Variants in CD96 observed in about 807,000 individuals in gnomAD.
CD96 encodes CD96 molecule, also known as T-cell surface protein tactile.
A neutral mutation model predicts 71.3 loss-of-function variants in CD96; 70 were observed. That is an observed-to-expected ratio of 0.98 (90% CI 0.81 to 1.20). The LOEUF (loss-of-function observed/expected upper bound fraction) is 1.20. CD96 is among the 50% of genes most tolerant of loss of function. The probability of loss-of-function intolerance (pLI) is 0.00; values close to 1 mark genes in which losing one functional copy is unlikely to be tolerated. For missense variants in CD96, 742 were observed against 677.5 expected (o/e 1.10, Z -1.06); for synonymous variants, 248 against 233.0 (o/e 1.06, Z -0.59).
intron 14 of CD96, among the ~76,000 whole-genome samples, chr3:111,658,168 T>A (rs1011819279): frequency 6.6e-6 from 1 of 152,160 alleles, no homozygotes; most frequent in Non-Finnish European, 1.5e-5. Context: ...GTCCAAAAAC[T>A]GCTAGGGTAT....
At chr3:111,546,386 T>C (rs1207701150) in intron 2 of CD96, among the ~76,000 whole-genome samples, 1 of 152,142 alleles carries the variant, frequency 6.6e-6, no homozygotes, top group African/African-American at 2.4e-5. Flanking sequence ...AGCTGCTAAC[T>C]ATGAAGCATT....
intron 5 of CD96, among the ~76,000 whole-genome samples, chr3:111,587,295 C>A (rs770541752): frequency 1.3e-5 from 2 of 152,216 alleles, no homozygotes; most frequent in Non-Finnish European, 2.9e-5. Flanking sequence ...TGAGTGTCTG[C>A]AGCTTTTCCA....
chr3:111,645,189 C>A (rs57831621), intron 12 of CD96, among the ~76,000 whole-genome samples: 34,182 of 151,756 alleles, frequency 0.23, 4,173 homozygotes, highest in African/African-American at 0.32. Context: ...TACTACATAG[C>A]CATAAAAAGG....
chr3:111,650,675 G>C lies in CD96; in HGVS notation c.*869G>C, dbSNP rs566078679. On this transcript the variant is annotated 3_prime_UTR_variant, in exon 14 of 14. Coordinates refer to ENST00000352690, the MANE Select transcript of CD96 (RefSeq NM_005816.5). ...ATTTACCTGTTCATTTAATCTGCCT[G>C]TTTTGATCTGTTTTGAAAAAGATAA... is the stretch of plus-strand genomic sequence containing the variant. 4 of 152,274 alleles carry C rather than the reference G, an allele frequency of 2.6e-5. No homozygotes were observed. In the East Asian group the frequency reaches 7.7e-4, roughly 29 times the overall value. 9.4% of individuals were successfully genotyped at this position (152,274 alleles called of 1,614,324 possible).
Position 111,545,380 on chromosome 3 carries a change from C to T in CD96, c.396C>T (p.Tyr132=). ...LYPEGIQTKI[Y]NLLIQTHVTA... ...CAGAGGGCATTCAGACTAAAATCTA[C>T]AACCTTCTCATTCAGACACACGGTA... Residue 132 remains tyrosine (Y), a synonymous_variant, in exon 2 of 14, where the codon TAC becomes TAT. Transcript: ENST00000352690. 4 of 1,605,112 alleles carry T rather than the reference C, an allele frequency of 2.5e-6. No individual in the cohort carries two copies. The highest frequency in any genetic ancestry group is 1.1e-5 in the South Asian group (1 of 90,886).
intron 12 of CD96, among the ~76,000 whole-genome samples, chr3:111,646,567 A>G (rs1352508786): frequency 2.0e-5 from 3 of 151,856 alleles, no homozygotes; most frequent in East Asian, 1.9e-4. Context: ...GAAGAAACTG[A>G]TGCAGGTGAG....
intron 13 of CD96, among the ~76,000 whole-genome samples, chr3:111,647,878 C>G (rs1939906982): frequency 6.6e-6 from 1 of 152,124 alleles, no homozygotes; most frequent in Non-Finnish European, 1.5e-5. Flanking sequence ...TCTGCATTGG[C>G]CTAGTCAGGC....
At chr3:111,593,563 A>G in intron 5 of CD96, 1 of 1,528,000 alleles carries the variant, frequency 6.5e-7, no homozygotes, top group Non-Finnish European at 8.8e-7. Context: ...AATGGAAGGG[A>G]TGTACTGCTG....
intron 4 of CD96, among the ~76,000 whole-genome samples, chr3:111,581,974 C>T (rs1429135416): frequency 6.6e-6 from 1 of 152,132 alleles, no homozygotes; most frequent in Non-Finnish European, 1.5e-5. Context: ...TCAGTTAGCA[C>T]CATAGGTTTA....
In CD96 at chr3:111,598,160, C is replaced by A; in HGVS notation, c.848C>A (p.Ala283Glu). The part of the protein sequence containing the change: ...TCLLKNVFPK[A>E]NITWFIDGSF... ...TTACTAAAGAATGTATTTCCCAAAG[C>A]AAATATCACATGGTTTATAGATGGA... Residue 283 changes from alanine (A) to glutamate (E), a missense_variant, in exon 6 of 14, where the codon GCA becomes GAA. Physicochemically the swap from Ala to Glu is moderately radical, Grantham distance 107 (BLOSUM62 -1). Transcript: ENST00000352690. 1 of 1,501,532 alleles carries A rather than the reference C, an allele frequency of 6.7e-7. No individual in the cohort carries two copies. The highest frequency in any genetic ancestry group is 9.3e-7 in the Non-Finnish European group (1 of 1,078,188). 93.0% of individuals were successfully genotyped at this position (1,501,532 alleles called of 1,614,324 possible).
At chr3:111,617,294 G>T (rs1449223397) in intron 8 of CD96, among the ~76,000 whole-genome samples, 4 of 152,228 alleles carry the variant, frequency 2.6e-5, no homozygotes, top group Admixed American at 6.5e-5. Flanking sequence ...GGCATGGCCT[G>T]AAGCCTGGGA....
chr3:111,645,345 A>G (rs1939780640), intron 12 of CD96, among the ~76,000 whole-genome samples: 1 of 152,086 alleles, frequency 6.6e-6, no homozygotes, highest in Admixed American at 6.6e-5. Flanking sequence ...CATAAGAATG[A>G]CACAATGGAC....
chr3:111,581,859 G>T (rs1232209251), intron 4 of CD96, among the ~76,000 whole-genome samples: 4 of 152,322 alleles, frequency 2.6e-5, no homozygotes, highest in African/African-American at 9.6e-5. Context: ...TCGAGATAAG[G>T]ATTGCGGTTA....
chr3:111,629,845 C>A (rs559146904), intron 10 of CD96, among the ~76,000 whole-genome samples: 37 of 152,216 alleles, frequency 2.4e-4, no homozygotes, highest in African/African-American at 7.7e-4. Flanking sequence ...CAAATGAGAA[C>A]TCAAGATTAA....
At chr3:111,556,197 T>C (rs1559715946) in intron 2 of CD96, among the ~76,000 whole-genome samples, 2 of 152,050 alleles carry the variant, frequency 1.3e-5, no homozygotes, top group Admixed American at 6.5e-5. Context: ...AATAGACTAA[T>C]AACAACTTCT....
intron 7 of CD96, among the ~76,000 whole-genome samples, chr3:111,603,010 C>A (rs757227322): frequency 1.3e-5 from 2 of 152,076 alleles, no homozygotes; most frequent in African/African-American, 4.8e-5. Context: ...GTTCAGTGAT[C>A]CCTATTCTAG....
At chr3:111,587,227 C>A (rs1936755190) in intron 5 of CD96, among the ~76,000 whole-genome samples, 1 of 152,226 alleles carries the variant, frequency 6.6e-6, no homozygotes, top group African/African-American at 2.4e-5. Flanking sequence ...TAGGCAGCTC[C>A]ACCCCTGTGG....
At chr3:111,605,929 T>C (rs1366247495) in intron 7 of CD96, among the ~76,000 whole-genome samples, 2 of 152,194 alleles carry the variant, frequency 1.3e-5, no homozygotes, top group East Asian at 3.8e-4. Flanking sequence ...TAAAATCTTC[T>C]AACTTCAAAA....
intron 4 of CD96, 29 bp from the exon 5 acceptor site, chr3:111,585,294 C>T (rs1330744403): frequency 6.6e-7 from 1 of 1,509,642 alleles, no homozygotes; most frequent in East Asian, 2.3e-5. Flanking sequence ...ACATTTGGTG[C>T]CACTAACTAT....
Sources: gnomAD v4.1 joint callset for allele counts (sites outside exome capture counted in the v4.1 genomes callset) on GRCh38, gnomAD v4.1.1 for gene constraint, MANE v1.5 for transcripts, NCBI Gene and HGNC (gene_info 2026-07-23, HGNC 2026-07-21) for gene names.